Variants in RPH3AL observed in about 807,000 individuals in gnomAD.
RPH3AL encodes the protein rabphilin 3A like (without C2 domains).
RPH3AL carries 38 observed loss-of-function variants against 43.1 expected under a neutral mutation model. The ratio of observed to expected loss-of-function variants is 0.88; its 90% CI spans 0.68 to 1.15. The LOEUF (loss-of-function observed/expected upper bound fraction) is 1.15, where lower values mean the gene tolerates loss of function less well. Among genes scored for constraint, RPH3AL ranks in the 50% most tolerant of loss-of-function variants. The probability of loss-of-function intolerance (pLI) is 0.00; values close to 1 mark genes in which losing one functional copy is unlikely to be tolerated. For synonymous variants in RPH3AL, 189 were observed against 176.3 expected, an observed-to-expected ratio of 1.07 and a Z score of -0.57; for missense variants, 462 against 423.2, an observed-to-expected ratio of 1.09 and a Z score of -0.81.
intron 7 of RPH3AL, among the ~76,000 whole-genome samples, chr17:221,819 T>G (rs1236153525): frequency 0.011 from 984 of 90,456 alleles, 10 homozygotes; most frequent in Middle Eastern, 0.019. Flanking sequence ...CTCTGAGGGC[T>G]CCACTCACTG....
chr17:335,422 G>T (rs1466982437), intron 1 of RPH3AL, among the ~76,000 whole-genome samples: 1 of 152,042 alleles, frequency 6.6e-6, no homozygotes, highest in East Asian at 1.9e-4. Flanking sequence ...AGGGGTGGCT[G>T]GTGCCCTCTG....
At chr17:302,900 G>A (rs2043365117) in intron 5 of RPH3AL, among the ~76,000 whole-genome samples, 1 of 152,232 alleles carries the variant, frequency 6.6e-6, no homozygotes, top group South Asian at 2.1e-4. Context: ...GAAGGTGGGA[G>A]AAGGACAAAC....
chr17:282,027 G>A (rs1176175933), intron 5 of RPH3AL, among the ~76,000 whole-genome samples, 173 bp from the exon 6 acceptor site: 1 of 152,152 alleles, frequency 6.6e-6, no homozygotes, highest in Non-Finnish European at 1.5e-5. Context: ...ATCCTTAGTT[G>A]GCTTTGGACG....
chr17:226,541 A>C (rs1458169804), intron 7 of RPH3AL, among the ~76,000 whole-genome samples: 1 of 152,234 alleles, frequency 6.6e-6, no homozygotes, highest in Non-Finnish European at 1.5e-5. Context: ...GGAAGTCAGC[A>C]GTGCCCGCAC....
rs1249150454 is a variant in RPH3AL at position 264,542 on chromosome 17, G to A, written c.438+17226C>T. Among the ~76,000 whole-genome samples, 4 of 152,058 alleles carry A rather than the reference G, an allele frequency of 2.6e-5. No individual in the cohort carries two copies. The highest frequency in any genetic ancestry group is 9.7e-5 in the African/African-American group (4 of 41,348). Reference sequence around the variant, plus strand: ...CCCTTCGGAGCCGTGCGCGCTGGATGGGGACTCAGAATCCGCACCGTGTGT... The same window carrying A: ...CCCTTCGGAGCCGTGCGCGCTGGATAGGGACTCAGAATCCGCACCGTGTGT... On this transcript the variant is annotated intron_variant, in intron 6 of 9. Coordinates refer to ENST00000331302, the MANE Select transcript of RPH3AL (RefSeq NM_006987.4). This position sits in a 1 kb window ranked among gnomAD's most constrained non-coding sequence, Gnocchi z 4.8.
rs993247747 is a variant in RPH3AL, at chr17:225,071, A to G, written c.614-5335T>C. ...CGGCACATGTATACAGATGTAACAA[A>G]CCTGCACGTTATGCACATGTACCCT... On this transcript the variant is annotated intron_variant, in intron 7 of 9. Coordinates refer to ENST00000331302, the MANE Select transcript of RPH3AL (RefSeq NM_006987.4). This position sits in a 1 kb window ranked among gnomAD's most constrained non-coding sequence, Gnocchi z 4.4. Among the ~76,000 whole-genome samples the G allele has an allele frequency of 1.5e-4, 23 of 151,600 alleles. No homozygotes were observed. The highest frequency in any genetic ancestry group is 5.6e-4 in the African/African-American group (23 of 41,244).
chr17:297,804 C>G (rs2151632456), intron 5 of RPH3AL, among the ~76,000 whole-genome samples: 1 of 152,316 alleles, frequency 6.6e-6, no homozygotes, highest in Non-Finnish European at 1.5e-5. Flanking sequence ...AGGTTGGTCA[C>G]AGGTCAGGGC....
intron 5 of RPH3AL, among the ~76,000 whole-genome samples, chr17:284,151 T>C (rs755185290): frequency 6.6e-6 from 1 of 152,112 alleles, no homozygotes; most frequent in Non-Finnish European, 1.5e-5. Flanking sequence ...AACGAGGCGA[T>C]GCTGCGGGAA....
chr17:334,650 C>A (rs981907644), intron 1 of RPH3AL, among the ~76,000 whole-genome samples: 1 of 137,990 alleles, frequency 7.2e-6, no homozygotes, highest in African/African-American at 2.7e-5. Context: ...CTTCTCCCCA[C>A]GCCTTCCCCC....
chr17:247,434 T>C (rs560766376), intron 6 of RPH3AL, 149 bp from the exon 7 acceptor site: 2 of 748,306 alleles, frequency 2.7e-6, no homozygotes, highest in Non-Finnish European at 4.2e-6. Context: ...GCTGATGGGC[T>C]GGGCTGTCAG....
chr17:217,044 C>A (rs1299084908), intron 8 of RPH3AL, among the ~76,000 whole-genome samples: 1 of 149,930 alleles, frequency 6.7e-6, no homozygotes, highest in Non-Finnish European at 1.5e-5. Context: ...ATCAGGACCC[C>A]CAAGGCATTT....
Position 243,040 on chromosome 17 carries a change from C to CTTCCTCT in RPH3AL, c.613+4070_613+4071insAGAGGAA, listed in dbSNP as rs1555537852. On this transcript the variant is annotated intron_variant, in intron 7 of 9. Transcript: ENST00000331302. ...TTGAATACCTTCCTCTATTGAATAC[C>CTTCCTCT]ATCCTCTATTGATTACCCTTCCTCT... Among the ~76,000 whole-genome samples, 25 of 120,746 alleles carry CTTCCTCT rather than the reference C, an allele frequency of 2.1e-4. 3 individuals carry two copies. The highest frequency in any genetic ancestry group is 4.5e-4 in the Admixed American group (6 of 13,260). 79.2% of individuals were successfully genotyped at this position (120,746 alleles called of 152,430 possible). A position where few individuals can be genotyped will look rare whatever the true frequency, so the allele number is the denominator to read the frequency against.
Position 276,964 on chromosome 17 carries a change from C to T in RPH3AL, c.438+4804G>A, listed in dbSNP as rs1046364053. 2.6e-5 allele frequency among the ~76,000 whole-genome samples: 4 copies of T among 152,106 alleles called. No homozygotes were observed. The South Asian group carries it at 6.2e-4, about 24-fold the overall frequency. The stretch of plus-strand genomic sequence containing the variant: ...AGAGCCAAGGACTCAGAAAATGTAT[C>T]ATCCATGCACCCTTATTTTTTTAAT... On this transcript the variant is annotated intron_variant, in intron 6 of 9. Transcript: ENST00000331302.
chr17:263,486 G>A (rs549925500), intron 6 of RPH3AL, among the ~76,000 whole-genome samples: 36 of 152,286 alleles, frequency 2.4e-4, no homozygotes, highest in African/African-American at 6.5e-4. Context: ...GCAAGGAGCC[G>A]CCGGGCGACT....
At chr17:329,126 T>C (rs773399029) in intron 2 of RPH3AL, among the ~76,000 whole-genome samples, 3 of 152,106 alleles carry the variant, frequency 2.0e-5, no homozygotes, top group Non-Finnish European at 4.4e-5. Flanking sequence ...TTTTATGGCA[T>C]GTGAATTACA....
intron 5 of RPH3AL, among the ~76,000 whole-genome samples, chr17:299,669 C>T (rs146449664): frequency 0.022 from 3,420 of 152,326 alleles, 47 homozygotes; most frequent in South Asian, 0.054. Flanking sequence ...GCAGGCCTCC[C>T]GAAGTGTGCC....
chr17:247,384 G>A (rs2041793857), intron 6 of RPH3AL, 99 bp from the exon 7 acceptor site: 2 of 1,267,196 alleles, frequency 1.6e-6, no homozygotes. Flanking sequence ...GGAGAGCTAG[G>A]AGCAGAGTGG....
intron 8 of RPH3AL, among the ~76,000 whole-genome samples, chr17:216,571 G>A (rs1479862757): frequency 6.6e-6 from 1 of 152,032 alleles, no homozygotes; most frequent in Non-Finnish European, 1.5e-5. Context: ...GAGGGTGGGT[G>A]TGGAGCGAGG....
chr17:241,055 C>T (rs1390786188), intron 7 of RPH3AL, among the ~76,000 whole-genome samples: 5 of 143,556 alleles, frequency 3.5e-5, no homozygotes, highest in Non-Finnish European at 6.0e-5. Context: ...GACTCCATCT[C>T]AATAATAATA....
Sources: gnomAD v4.1 joint callset for allele counts (sites outside exome capture counted in the v4.1 genomes callset) on GRCh38, gnomAD v4.1.1 for gene constraint, Gnocchi (gnomAD v3.1) non-coding constraint, MANE v1.5 for transcripts, NCBI Gene and HGNC (gene_info 2026-07-23, HGNC 2026-07-21) for gene names.